The following GDAP1 variants were observed in gnomAD, a reference collection of about 807,000 sequenced individuals.
GDAP1 encodes the protein ganglioside induced differentiation associated protein 1, also known as ganglioside-induced differentiation-associated protein 1.
Under a neutral mutation model 40.1 loss-of-function variants are expected in GDAP1, and 34 were observed. That is an observed-to-expected ratio of 0.85 (90% CI 0.64 to 1.13). The LOEUF (loss-of-function observed/expected upper bound fraction) is 1.13. Among genes scored for constraint, GDAP1 ranks in the 50% most tolerant of loss-of-function variants. The pLI, the probability that GDAP1 is intolerant of heterozygous loss-of-function variation, is 0.00. For synonymous variants in GDAP1, 170 were observed against 157.4 expected (o/e 1.08, Z -0.60); for missense variants, 374 against 433.7 (o/e 0.86, Z 1.22).
intron 2 of GDAP1, among the ~76,000 whole-genome samples, chr8:74,423,877 T>C (rs145312312): frequency 3.1e-4 from 47 of 152,190 alleles, no homozygotes; most frequent in African/African-American, 1.1e-3. Flanking sequence ...AAAACCTTCT[T>C]GGGAAGAGAA....
chr8:74,412,840 C>G (rs186388677), intron 2 of GDAP1, among the ~76,000 whole-genome samples: 1 of 147,240 alleles, frequency 6.8e-6, no homozygotes, highest in Non-Finnish European at 1.5e-5. Flanking sequence ...GGGTGGATCA[C>G]AAGGTGAGGA....
intron 2 of GDAP1, among the ~76,000 whole-genome samples, chr8:74,445,095 G>A (rs1806211470): frequency 6.6e-6 from 1 of 152,174 alleles, no homozygotes; most frequent in African/African-American, 2.4e-5. Context: ...CGACAAGCAA[G>A]TCTTTTCATT....
intron 2 of GDAP1, among the ~76,000 whole-genome samples, chr8:74,428,009 C>T (rs934282921): frequency 1.3e-5 from 2 of 152,054 alleles, no homozygotes; most frequent in African/African-American, 2.4e-5. Flanking sequence ...TTTTAGCTGC[C>T]TTCTAAATCC....
intron 2 of GDAP1, among the ~76,000 whole-genome samples, chr8:74,409,488 A>T (rs1421516908): frequency 6.7e-6 from 1 of 149,628 alleles, no homozygotes; most frequent in Non-Finnish European, 1.5e-5. Context: ...AGTAGCTGGG[A>T]TTACAGGCAT....
chr8:74,385,560 T>G (rs1810013762), intron 2 of GDAP1, among the ~76,000 whole-genome samples: 1 of 152,252 alleles, frequency 6.6e-6, no homozygotes, highest in Non-Finnish European at 1.5e-5. Context: ...TGCCACATTT[T>G]CTTTATCCAA....
At chr8:74,414,756 G>T (rs934720705) in intron 2 of GDAP1, among the ~76,000 whole-genome samples, 2 of 149,564 alleles carry the variant, frequency 1.3e-5, no homozygotes, top group Middle Eastern at 3.2e-3. Flanking sequence ...ATGCAAAACT[G>T]AGTGAAGATT....
At chr8:74,351,514 CTA>C in intron 2 of GDAP1, 48 bp downstream of exon 2, 1 of 1,222,356 alleles carries the variant, frequency 8.2e-7, no homozygotes, top group African/African-American at 1.5e-5. Flanking sequence ...TTCAACACAA[CTA>C]TGTGTTCCCT....
chr8:74,439,036 ATG>A (rs35345122), intron 2 of GDAP1, among the ~76,000 whole-genome samples: 17 of 150,162 alleles, frequency 1.1e-4, no homozygotes, highest in Admixed American at 6.7e-4. Context: ...GTGTATATAT[ATG>A]TGTGTGTGTG....
chr8:74,407,373 G>C (rs1461288050), intron 2 of GDAP1, among the ~76,000 whole-genome samples: 1 of 149,964 alleles, frequency 6.7e-6, no homozygotes, highest in Non-Finnish European at 1.5e-5. Context: ...TTTACTGAGA[G>C]AGACAGGCCC....
chr8:74,381,177 A>T (rs1250548989), intron 2 of GDAP1, among the ~76,000 whole-genome samples: 7 of 152,244 alleles, frequency 4.6e-5, no homozygotes, highest in African/African-American at 1.4e-4. Context: ...TAATACCTCA[A>T]CAAAGCTGTT....
intron 2 of GDAP1, among the ~76,000 whole-genome samples, chr8:74,416,911 T>G (rs1362226916): frequency 7.5e-6 from 1 of 133,424 alleles, no homozygotes; most frequent in African/African-American, 3.3e-5. Context: ...AGTTTTTTTT[T>G]TTGTTTTTTT....
At chr8:74,397,295 A>G (rs1398284490) in intron 2 of GDAP1, among the ~76,000 whole-genome samples, 2 of 149,430 alleles carry the variant, frequency 1.3e-5, no homozygotes, top group African/African-American at 4.9e-5. Context: ...ATTTTCTCCC[A>G]TTTTGTAGGT....
rs1214935198 is a variant in GDAP1, at chr8:74,365,851, A to G, written c.*1484A>G. On this transcript the variant is annotated 3_prime_UTR_variant, in exon 6 of 6. Coordinates refer to ENST00000220822, the MANE Select transcript of GDAP1 (RefSeq NM_018972.4). Reference sequence around the variant, plus strand: ...AAACAATAATTGAGTAGCAGCTTTTATAACATTTAAAATTTGCACATGAGT... The same window carrying G: ...AAACAATAATTGAGTAGCAGCTTTTGTAACATTTAAAATTTGCACATGAGT... 2.2e-6 allele frequency: 1 copy of G among 453,160 alleles called. No individual in the cohort carries two copies. The highest frequency in any genetic ancestry group is 4.4e-6 in the Non-Finnish European group (1 of 226,792). The allele number at this position is 453,160 out of a possible 1,614,324, so 28.1% of individuals were successfully genotyped here. A position where few individuals can be genotyped will look rare whatever the true frequency, so the allele number is the denominator to read the frequency against.
chr8:74,415,615 C>A (rs1368248680), intron 2 of GDAP1, among the ~76,000 whole-genome samples: 1 of 150,058 alleles, frequency 6.7e-6, no homozygotes, highest in Non-Finnish European at 1.5e-5. Context: ...GCAGTCCAGG[C>A]CTCAGGAAAA....
At chr8:74,479,986 CT>C (rs71271807) in intron 2 of GDAP1, among the ~76,000 whole-genome samples, 55,746 of 102,812 alleles carry the variant, frequency 0.54, 13,961 homozygotes, top group African/African-American at 0.71. Context: ...AATGGACTCT[CT>C]TTTTTTTTTT....
At chr8:74,440,528 T>G (rs1198518846) in intron 2 of GDAP1, among the ~76,000 whole-genome samples, 1 of 152,072 alleles carries the variant, frequency 6.6e-6, no homozygotes, top group Non-Finnish European at 1.5e-5. Context: ...GTTTAAGTAA[T>G]CCAACCTATC....
chr8:74,406,804 G>A (rs1222021783), intron 2 of GDAP1, among the ~76,000 whole-genome samples: 1 of 149,666 alleles, frequency 6.7e-6, no homozygotes. Context: ...AATTGTTCAG[G>A]CTGGTACTAG....
In GDAP1 at chr8:74,364,533, C is replaced by CA; in HGVS notation, c.*170dup. On this transcript the variant is annotated 3_prime_UTR_variant, in exon 6 of 6. Coordinates refer to ENST00000220822, the MANE Select transcript of GDAP1 (RefSeq NM_018972.4). ...CAGGGGTTCAGGTAGCAATAGGACACAAAATTGCTTTATTCTACAACTGCC... is the reference window on the plus strand; with the variant it reads ...CAGGGGTTCAGGTAGCAATAGGACACAAAAATTGCTTTATTCTACAACTGCC... 1.3e-6 allele frequency: 1 copy of CA among 755,768 alleles called. No individual in the cohort carries two copies. The allele number at this position is 755,768 out of a possible 1,614,324, so 46.8% of individuals were successfully genotyped here. A position where few individuals can be genotyped will look rare whatever the true frequency, so the allele number is the denominator to read the frequency against.
intron 2 of GDAP1, among the ~76,000 whole-genome samples, chr8:74,461,110 C>A (rs1378954667): frequency 5.9e-5 from 9 of 152,176 alleles, no homozygotes; most frequent in Non-Finnish European, 2.9e-5. Flanking sequence ...GGCGTTGCAC[C>A]CTTACCCTCT....
Sources: allele counts gnomAD v4.1 joint callset (sites outside exome capture counted in the v4.1 genomes callset), GRCh38; gene constraint gnomAD v4.1.1; transcripts MANE v1.5; gene names NCBI Gene and HGNC (gene_info 2026-07-23, HGNC 2026-07-21).